APBB2: variants seen among roughly 807,000 people sequenced by gnomAD.
APBB2 encodes amyloid beta precursor protein binding family B member 2.
Under a neutral mutation model 82.5 loss-of-function variants are expected in APBB2, and 38 were observed. That is an observed-to-expected ratio of 0.46 (90% CI 0.36 to 0.60). The LOEUF (loss-of-function observed/expected upper bound fraction) is 0.60. Ranked by LOEUF, APBB2 falls within the 20% of genes least tolerant of loss-of-function variation. The probability of loss-of-function intolerance (pLI) is 0.00; values close to 1 mark genes in which losing one functional copy is unlikely to be tolerated. For synonymous variants in APBB2, 341 were observed against 368.2 expected, an observed-to-expected ratio of 0.93 and a Z score of 0.85; for missense variants, 772 against 972.3, an observed-to-expected ratio of 0.79 and a Z score of 2.74.
At chr4:41,200,913 G>T (rs1490672283) in intron 1 of APBB2, among the ~76,000 whole-genome samples, 8 of 152,288 alleles carry the variant, frequency 5.3e-5, no homozygotes, top group Admixed American at 2.6e-4. Flanking sequence ...TATACTGAGT[G>T]CTTTCTCCTT....
chr4:40,926,893 C>T (rs6834232), intron 10 of APBB2, among the ~76,000 whole-genome samples: 10 of 152,304 alleles, frequency 6.6e-5, no homozygotes, highest in African/African-American at 2.4e-4. Context: ...AACTATAATG[C>T]CTTGTTTTTG....
intron 4 of APBB2, among the ~76,000 whole-genome samples, chr4:41,059,561 C>T (rs577049423): frequency 6.6e-6 from 1 of 152,288 alleles, no homozygotes; most frequent in South Asian, 2.1e-4. Context: ...GGGCGGAAAA[C>T]CGCTTAAAGG....
At chr4:41,161,170 CAAAAAAAAAAAA>C (rs33917178) in intron 1 of APBB2, among the ~76,000 whole-genome samples, 5 of 86,264 alleles carry the variant, frequency 5.8e-5, no homozygotes, top group South Asian at 4.8e-4. Context: ...TCTTCCCTGG[CAAAAAAAAAAAA>C]AAAAAAAAAA....
chr4:40,908,184 G>A (rs535751596), intron 10 of APBB2, among the ~76,000 whole-genome samples: 20 of 152,166 alleles, frequency 1.3e-4, no homozygotes, highest in African/African-American at 3.9e-4. Flanking sequence ...ACAAAAAGGC[G>A]GCCAGCACAA....
chr4:41,200,375 A>ATT lies in APBB2; in HGVS notation c.-417+14028_-417+14029dup, dbSNP rs148725433. Among the ~76,000 whole-genome samples, 8 of 151,050 alleles carry ATT rather than the reference A, an allele frequency of 5.3e-5. No homozygotes were observed. In the South Asian group the frequency reaches 1.7e-3, roughly 32 times the overall value. ...TAATTTTGGAAGAAATGAATGACCT[A>ATT]TTTTTTTTTTAAATAAAATTAGCCT... On this transcript the variant is annotated intron_variant, in intron 1 of 17. Transcript: ENST00000508593.
At chr4:40,907,273 G>T (rs1263040387) in intron 10 of APBB2, among the ~76,000 whole-genome samples, 1 of 147,420 alleles carries the variant, frequency 6.8e-6, no homozygotes, top group African/African-American at 2.5e-5. Flanking sequence ...CAGTAATTAA[G>T]TTAAATGAGC....
At chr4:41,170,048 C>T (rs1466834208) in intron 1 of APBB2, among the ~76,000 whole-genome samples, 2 of 152,032 alleles carry the variant, frequency 1.3e-5, no homozygotes, top group African/African-American at 4.8e-5. Flanking sequence ...GCAGGGAATA[C>T]CCCCTCTAAA....
At chr4:41,057,691 T>A (rs564697782) in intron 4 of APBB2, among the ~76,000 whole-genome samples, 1 of 152,304 alleles carries the variant, frequency 6.6e-6, no homozygotes, top group African/African-American at 2.4e-5. Flanking sequence ...CTGAGGACAA[T>A]TTCAGGTTTG....
intron 4 of APBB2, among the ~76,000 whole-genome samples, chr4:41,061,771 C>T (rs1357172031): frequency 6.6e-6 from 1 of 152,220 alleles, no homozygotes; most frequent in Non-Finnish European, 1.5e-5. Flanking sequence ...CCAAGAGCAG[C>T]ACCCTGTCCT....
intron 1 of APBB2, among the ~76,000 whole-genome samples, chr4:41,153,806 A>C (rs1242315897): frequency 2.0e-5 from 3 of 152,182 alleles, no homozygotes; most frequent in Admixed American, 2.0e-4. Flanking sequence ...TAGTGAAACA[A>C]AATTATCTGT....
At chr4:41,055,441 T>C (rs1046553009) in intron 4 of APBB2, among the ~76,000 whole-genome samples, 5 of 152,234 alleles carry the variant, frequency 3.3e-5, no homozygotes, top group Admixed American at 3.3e-4. Context: ...GTAAGGGCTC[T>C]GGACTGTTAT....
intron 10 of APBB2, among the ~76,000 whole-genome samples, chr4:40,919,092 C>T (rs969354933): frequency 6.6e-6 from 1 of 152,116 alleles, no homozygotes; most frequent in African/African-American, 2.4e-5. Context: ...AAGATAAACT[C>T]AAGAGGCATC....
At chr4:40,968,182 G>C (rs1313828370) in intron 6 of APBB2, among the ~76,000 whole-genome samples, 1 of 152,206 alleles carries the variant, frequency 6.6e-6, no homozygotes, top group East Asian at 1.9e-4. Flanking sequence ...GAGGAGGGAA[G>C]TAACTGACTA....
At chr4:40,870,497 T>G (rs1204606868) in intron 12 of APBB2, among the ~76,000 whole-genome samples, 1 of 152,254 alleles carries the variant, frequency 6.6e-6, no homozygotes, top group Admixed American at 6.5e-5. Flanking sequence ...CCAACCGGTG[T>G]GCCTCACTCC....
chr4:40,913,841 T>C (rs193216953), intron 10 of APBB2, among the ~76,000 whole-genome samples: 114 of 152,132 alleles, frequency 7.5e-4, no homozygotes, highest in Non-Finnish European at 1.4e-3. Context: ...GAGAAGGCTA[T>C]GAGGTGCCTT....
chr4:40,860,347 G>A (rs1281206969), intron 12 of APBB2, among the ~76,000 whole-genome samples: 2 of 152,182 alleles, frequency 1.3e-5, no homozygotes, highest in Non-Finnish European at 2.9e-5. Context: ...GATTAGCCCT[G>A]GACCAGTTGT....
intron 1 of APBB2, among the ~76,000 whole-genome samples, chr4:41,143,575 G>A (rs569846920): frequency 6.6e-6 from 1 of 152,256 alleles, no homozygotes; most frequent in East Asian, 1.9e-4. Flanking sequence ...TGCTCAATAT[G>A]CTTTAAAAAG....
Position 40,813,981 on chromosome 4 carries a change from T to C in APBB2, c.*2111A>G, listed in dbSNP as rs1212324593. ...AACAGACTGCGTTTCTAAAGTAGCATAGTTTTGTCATAACATTGGGGTGCT... is the reference window on the plus strand; with the variant it reads ...AACAGACTGCGTTTCTAAAGTAGCACAGTTTTGTCATAACATTGGGGTGCT... On this transcript the variant is annotated 3_prime_UTR_variant, in exon 18 of 18. Coordinates refer to ENST00000508593, the MANE Select transcript of APBB2 (RefSeq NM_004307.2). The C allele has an allele frequency of 6.6e-6, 1 of 152,230 alleles. No individual in the cohort carries two copies. The highest frequency in any genetic ancestry group is 1.5e-5 in the Non-Finnish European group (1 of 68,046). The allele number at this position is 152,230 out of a possible 1,614,324, so 9.4% of individuals were successfully genotyped here. A position where few individuals can be genotyped will look rare whatever the true frequency, so the allele number is the denominator to read the frequency against.
chr4:40,825,405 T>G (rs893785191), intron 15 of APBB2, among the ~76,000 whole-genome samples: 5 of 152,242 alleles, frequency 3.3e-5, no homozygotes, highest in Non-Finnish European at 7.3e-5. Context: ...CAGTCTCTTT[T>G]TGGCTTGGTA....
Sources: gnomAD v4.1 joint callset for allele counts (sites outside exome capture counted in the v4.1 genomes callset) on GRCh38, gnomAD v4.1.1 for gene constraint, MANE v1.5 for transcripts, NCBI Gene and HGNC (gene_info 2026-07-23, HGNC 2026-07-21) for gene names.